CA10: variants seen among roughly 807,000 people sequenced by gnomAD.
CA10 encodes carbonic anhydrase-related protein 10.
In CA10, 14 loss-of-function variants were observed where a neutral mutation model predicts 44.2. That is an observed-to-expected ratio of 0.32 (90% CI 0.21 to 0.50). CA10 has a LOEUF of 0.50. Ranked by LOEUF, CA10 falls within the 20% of genes least tolerant of loss-of-function variation. The pLI is 0.99. For missense variants in CA10, 350 were observed against 409.7 expected, an observed-to-expected ratio of 0.85 and a Z score of 1.26; for synonymous variants, 159 against 141.6, an observed-to-expected ratio of 1.12 and a Z score of -0.87.
rs141718135 is a variant in CA10 at position 52,017,393 on chromosome 17, A to G, written c.136+54926T>C. 4.8e-3 allele frequency among the ~76,000 whole-genome samples: 733 copies of G among 152,270 alleles called. 17 individuals are homozygous for G. Among genetic ancestry groups the G allele is most frequent in the Non-Finnish European group, 9.7e-4 (66 of 67,996 alleles). On this transcript the variant is annotated intron_variant, in intron 2 of 8. Coordinates refer to ENST00000451037, the MANE Select transcript of CA10 (RefSeq NM_020178.5). ...GTGAAGGCCAGGCTAATTAAGTCTC[A>G]TATGAAAATGAGGAAGTTATTGGGA... is the stretch of plus-strand genomic sequence containing the variant.
intron 3 of CA10, chr17:51,763,431 C>T (rs1468364214): frequency 1.3e-5 from 2 of 152,146 alleles, no homozygotes; most frequent in Non-Finnish European, 2.9e-5. Flanking sequence ...TACAATTGAT[C>T]CAGCTAATAT....
In CA10 at chr17:51,776,230, G is replaced by A. The variant is rs144713258; in HGVS notation, c.280-28412C>T. On this transcript the variant is annotated intron_variant, in intron 3 of 8. Coordinates refer to ENST00000451037, the MANE Select transcript of CA10 (RefSeq NM_020178.5). ...CAAAAATTTAGCTGGGCATAGTGGTGCATGAGCCTGACCTGGTGTGAGTAG... is the reference window on the plus strand; with the variant it reads ...CAAAAATTTAGCTGGGCATAGTGGTACATGAGCCTGACCTGGTGTGAGTAG... Among the ~76,000 whole-genome samples the A allele has an allele frequency of 6.2e-3, 942 of 152,220 alleles. 11 individuals carry two copies. The highest frequency in any genetic ancestry group is 0.022 in the African/African-American group (894 of 41,530).
At chr17:51,778,824 A>C (rs1905930410) in intron 3 of CA10, among the ~76,000 whole-genome samples, 1 of 152,196 alleles carries the variant, frequency 6.6e-6, no homozygotes, top group Non-Finnish European at 1.5e-5. Context: ...CAGGCTGCTC[A>C]GGGAGGAGAG....
At chr17:51,961,673 C>T (rs1366954249) in intron 2 of CA10, among the ~76,000 whole-genome samples, 2 of 152,164 alleles carry the variant, frequency 1.3e-5, no homozygotes, top group Non-Finnish European at 2.9e-5. Context: ...TTATAGACAA[C>T]TCTATTCCCC....
intron 3 of CA10, among the ~76,000 whole-genome samples, chr17:51,829,900 A>G (rs1032760914): frequency 6.6e-6 from 1 of 152,138 alleles, no homozygotes; most frequent in Non-Finnish European, 1.5e-5. Context: ...GTCAATATAG[A>G]CATAAATAGC....
At chr17:52,058,734 T>G (rs1482028622) in intron 2 of CA10, among the ~76,000 whole-genome samples, 1 of 152,190 alleles carries the variant, frequency 6.6e-6, no homozygotes, top group East Asian at 1.9e-4. Context: ...AGAGAAGCCT[T>G]CATCTGCAAA....
intron 3 of CA10, among the ~76,000 whole-genome samples, chr17:51,928,558 C>T (rs1982521858): frequency 6.6e-6 from 1 of 152,124 alleles, no homozygotes; most frequent in East Asian, 1.9e-4. Context: ...TACACTTGAA[C>T]ACCAGAAAGA....
At chr17:52,056,396 C>A (rs1987232139) in intron 2 of CA10, among the ~76,000 whole-genome samples, 1 of 151,996 alleles carries the variant, frequency 6.6e-6, no homozygotes, top group Non-Finnish European at 1.5e-5. Flanking sequence ...GAGAAAGAAG[C>A]CCCCTAACCT....
chr17:51,861,303 A>C (rs1232973556), intron 3 of CA10, among the ~76,000 whole-genome samples: 1 of 152,128 alleles, frequency 6.6e-6, no homozygotes, highest in Non-Finnish European at 1.5e-5. Context: ...TTCAGTTTGC[A>C]GTTTCTCCAA....
At chr17:52,022,470 A>G (rs369169516) in intron 2 of CA10, among the ~76,000 whole-genome samples, 3 of 152,060 alleles carry the variant, frequency 2.0e-5, no homozygotes, top group Admixed American at 1.3e-4. Context: ...TATTGGCACC[A>G]TCTGTGACAA....
At chr17:51,946,493 A>T (rs1283880068) in intron 2 of CA10, among the ~76,000 whole-genome samples, 2 of 152,058 alleles carry the variant, frequency 1.3e-5, no homozygotes, top group African/African-American at 4.8e-5. Flanking sequence ...TCTGGCAGCA[A>T]TCCATCCCGT....
Position 51,750,366 on chromosome 17 carries a change from T to C in CA10, c.280-2548A>G, listed in dbSNP as rs74255107. On this transcript the variant is annotated intron_variant, in intron 3 of 8. Coordinates refer to ENST00000451037, the MANE Select transcript of CA10 (RefSeq NM_020178.5). ...CACTTGCATATATGTATATTATATATGACTTTTTATGTTATTCTAACATAT... is the reference window on the plus strand; with the variant it reads ...CACTTGCATATATGTATATTATATACGACTTTTTATGTTATTCTAACATAT... Among the ~76,000 whole-genome samples, 45 of 152,302 alleles carry C rather than the reference T, an allele frequency of 3.0e-4. 1 individual carries two copies. The East Asian group carries it at 6.4e-3, about 21-fold the overall frequency.
At chr17:52,052,304 A>ATTTT (rs746707046) in intron 2 of CA10, among the ~76,000 whole-genome samples, 11,291 of 130,510 alleles carry the variant, frequency 0.087, 475 homozygotes, top group South Asian at 0.11. Flanking sequence ...TTTTTTAAAA[A>ATTTT]AAAAAAAAAA....
chr17:51,715,183 A>C (rs961543804), intron 4 of CA10, among the ~76,000 whole-genome samples: 30 of 152,024 alleles, frequency 2.0e-4, no homozygotes, highest in Middle Eastern at 3.4e-3. Flanking sequence ...ACATGGACAC[A>C]GGAAGCGGAA....
intron 3 of CA10, among the ~76,000 whole-genome samples, chr17:51,816,679 G>T (rs1012495261): frequency 6.6e-6 from 1 of 152,134 alleles, no homozygotes; most frequent in Non-Finnish European, 1.5e-5. Context: ...TCACTACTTT[G>T]TAATTATAGC....
chr17:51,956,784 T>C lies in CA10; in HGVS notation c.137-25652A>G, dbSNP rs535786872. 9.2e-5 allele frequency among the ~76,000 whole-genome samples: 14 copies of C among 152,102 alleles called. No individual in the cohort carries two copies. In the South Asian group the frequency reaches 2.1e-3, roughly 23 times the overall value. ...GTTCAGCAAAAAACTTTTTATTCTT[T>C]AGACCTACAAAAAAGCAGAGGCTTT... is the stretch of plus-strand genomic sequence containing the variant. On this transcript the variant is annotated intron_variant, in intron 2 of 8. Transcript: ENST00000451037.
At chr17:52,145,485 C>A (rs1211990584) in intron 1 of CA10, among the ~76,000 whole-genome samples, 1 of 152,194 alleles carries the variant, frequency 6.6e-6, no homozygotes, top group African/African-American at 2.4e-5. Flanking sequence ...ACAACATGTC[C>A]TAACTTCCAT....
intron 3 of CA10, among the ~76,000 whole-genome samples, chr17:51,823,291 C>G (rs1370756141): frequency 1.3e-5 from 2 of 152,180 alleles, no homozygotes; most frequent in Non-Finnish European, 2.9e-5. Flanking sequence ...CAGCAGACTC[C>G]AGGAAGCCAC....
intron 3 of CA10, among the ~76,000 whole-genome samples, chr17:51,802,564 T>TG (rs1376699430): frequency 1.5e-4 from 11 of 72,978 alleles, no homozygotes; most frequent in African/African-American, 9.2e-4. Flanking sequence ...GCCTGATGTC[T>TG]GAAAAAAAAA....
Sources: gnomAD v4.1 joint callset for allele counts (sites outside exome capture counted in the v4.1 genomes callset) on GRCh38, gnomAD v4.1.1 for gene constraint, MANE v1.5 for transcripts, NCBI Gene and HGNC (gene_info 2026-07-23, HGNC 2026-07-21) for gene names.